RPA1: variants seen among roughly 807,000 people sequenced by gnomAD.
The protein encoded by RPA1 is replication protein A 70 kDa DNA-binding subunit.
A neutral mutation model predicts 83.0 loss-of-function variants in RPA1; 49 were observed. The ratio of observed to expected loss-of-function variants is 0.59; its 90% confidence interval spans 0.47 to 0.75. RPA1 has a LOEUF of 0.75. RPA1 is among the 30% of genes least tolerant of loss of function. RPA1 has a pLI of 0.00. For synonymous variants in RPA1, 279 were observed against 281.8 expected (o/e 0.99, Z 0.10); for missense variants, 693 against 776.1 (o/e 0.89, Z 1.27).
At position 1,880,573 on chromosome 17, in the gene RPA1, G is replaced by T. The variant is rs771754941; in HGVS notation, c.1123G>T (p.Val375Leu). ...ADKFDGSRQP[V>L]LAIKGARVSD... ...TAAATTTGATGGTTCTAGACAGCCCGTGTTGGCTATCAAAGGAGCCCGAGT... is the reference window on the plus strand; with the variant it reads ...TAAATTTGATGGTTCTAGACAGCCCTTGTTGGCTATCAAAGGAGCCCGAGT... Residue 375 changes from valine to leucine, a missense_variant, in exon 12 of 17, where the codon GTG becomes TTG. Val to Leu is a conservative substitution (Grantham distance 32, BLOSUM62 1). Coordinates refer to ENST00000254719, the MANE Select transcript of RPA1 (RefSeq NM_002945.5). The T allele has an allele frequency of 4.3e-6, 7 of 1,614,016 alleles. No homozygotes were observed. Among genetic ancestry groups the T allele is most frequent in the Non-Finnish European group, 5.9e-6 (7 of 1,179,992 alleles).
At chr17:1,892,582 A>G (rs1914244467) in intron 15 of RPA1, among the ~76,000 whole-genome samples, 1 of 152,170 alleles carries the variant, frequency 6.6e-6, no homozygotes, top group South Asian at 2.1e-4. Context: ...CCCTGAAACA[A>G]CCTGAATTAT....
At chr17:1,869,845 G>A (rs777338800) in intron 5 of RPA1, among the ~76,000 whole-genome samples, 1 of 152,116 alleles carries the variant, frequency 6.6e-6, no homozygotes, top group Admixed American at 6.6e-5. Flanking sequence ...GATTCTTGCC[G>A]TCCATTTGGC....
rs570102441 is a variant in RPA1 at position 1,869,691 on chromosome 17, G to C, written c.362-2743G>C. ...ACACAAAGCAGAAGATGTGTCAGAA[G>C]TTAAGTCTCTGCATTACTGCTTTGG... On this transcript the variant is annotated intron_variant, in intron 5 of 16. Transcript: ENST00000254719. Among the ~76,000 whole-genome samples, 4 of 152,330 alleles carry C rather than the reference G, an allele frequency of 2.6e-5. No individual in the cohort carries two copies. In the South Asian group the frequency reaches 6.2e-4, roughly 24 times the overall value.
At chr17:1,839,613 A>G (rs994675618) in intron 1 of RPA1, among the ~76,000 whole-genome samples, 1 of 148,482 alleles carries the variant, frequency 6.7e-6, no homozygotes, top group Non-Finnish European at 1.5e-5. Flanking sequence ...GGCGTGAGCC[A>G]CCGTGCCTGG....
intron 5 of RPA1, chr17:1,858,423 G>C (rs1226978770): frequency 6.4e-7 from 1 of 1,553,004 alleles, no homozygotes. Context: ...GACGACCAAC[G>C]TGTCTCAGCA....
chr17:1,857,262 TTTTTC>T (rs1226318255), intron 5 of RPA1, among the ~76,000 whole-genome samples: 15 of 117,694 alleles, frequency 1.3e-4, no homozygotes, highest in African/African-American at 3.9e-4. Flanking sequence ...TTTCTTTTTC[TTTTTC>T]TTTTTTTTTT....
At position 1,884,334 on chromosome 17, in the gene RPA1, C is replaced by T. The variant is rs565204545; in HGVS notation, c.1374+390C>T. Among the ~76,000 whole-genome samples the T allele has an allele frequency of 3.2e-4, 35 of 110,534 alleles. No homozygotes were observed. In the South Asian group the frequency reaches 9.0e-3, roughly 28 times the overall value. The allele number at this position is 110,534 out of a possible 152,430, so 72.5% of individuals were successfully genotyped here. A position where few individuals can be genotyped will look rare whatever the true frequency, so the allele number is the denominator to read the frequency against. On this transcript the variant is annotated intron_variant, in intron 13 of 16. Transcript: ENST00000254719. The surrounding 1 kb of genome is among the most constrained non-coding windows in gnomAD (Gnocchi z 4.1). ...ATGTTTTTTGAGATGAGCGTTAGTC[C>T]GCCTCAGGTCAGACATGAGGCAGTT...
chr17:1,869,335 G>T (rs1277588841), intron 5 of RPA1, among the ~76,000 whole-genome samples: 1 of 152,158 alleles, frequency 6.6e-6, no homozygotes. Context: ...TCAGGAGTTT[G>T]AGACCAGCCT....
chr17:1,861,336 C>G (rs187751421), intron 5 of RPA1, among the ~76,000 whole-genome samples: 4 of 152,202 alleles, frequency 2.6e-5, no homozygotes, highest in African/African-American at 9.7e-5. Flanking sequence ...CAGACCCACT[C>G]GCTCGCTTTC....
chr17:1,894,276 T>C (rs560656885), intron 15 of RPA1, among the ~76,000 whole-genome samples: 1 of 152,082 alleles, frequency 6.6e-6, no homozygotes, highest in African/African-American at 2.4e-5. Context: ...AAGCAATTCT[T>C]CTGCCTCAGC....
intron 13 of RPA1, among the ~76,000 whole-genome samples, chr17:1,886,044 G>A (rs1340935915): frequency 3.3e-5 from 5 of 152,114 alleles, no homozygotes; most frequent in South Asian, 2.1e-4. Flanking sequence ...GTGAACAGGT[G>A]CATTGTCAAT....
chr17:1,897,363 TGTG>T lies in RPA1; in HGVS notation c.*192_*194del. 1.8e-6 allele frequency: 1 copy of T among 571,020 alleles called. No homozygotes were observed. The highest frequency in any genetic ancestry group is 2.1e-5 in the South Asian group (1 of 48,408). 35.4% of individuals were successfully genotyped at this position (571,020 alleles called of 1,614,324 possible). A position where few individuals can be genotyped will look rare whatever the true frequency, so the allele number is the denominator to read the frequency against. ...GCAAAGGAAAATACGCTCAGGTGGTTGTGGTGTAGACTGTGTCAGGCCTACGGA... is the reference window on the plus strand; with the variant it reads ...GCAAAGGAAAATACGCTCAGGTGGTTGTGTAGACTGTGTCAGGCCTACGGA... On this transcript the variant is annotated 3_prime_UTR_variant, in exon 17 of 17. Transcript: ENST00000254719.
chr17:1,832,683 G>A (rs772716476), intron 1 of RPA1, among the ~76,000 whole-genome samples: 1 of 152,122 alleles, frequency 6.6e-6, no homozygotes, highest in Non-Finnish European at 1.5e-5. Flanking sequence ...CACCGCGCAC[G>A]ACCCCATTCA....
chr17:1,835,736 AATGC>A (rs1169469597), intron 1 of RPA1, among the ~76,000 whole-genome samples: 1 of 152,120 alleles, frequency 6.6e-6, no homozygotes, highest in Non-Finnish European at 1.5e-5. Context: ...AAATTTTTGA[AATGC>A]ATGCATAGTT....
chr17:1,889,979 G>T (rs1193295878), intron 14 of RPA1, among the ~76,000 whole-genome samples: 1 of 151,994 alleles, frequency 6.6e-6, no homozygotes. Flanking sequence ...CAGCCCGGGC[G>T]ACAAGAGCAA....
At chr17:1,851,869 A>G (rs994763488) in intron 4 of RPA1, among the ~76,000 whole-genome samples, 10 of 152,350 alleles carry the variant, frequency 6.6e-5, no homozygotes, top group African/African-American at 2.4e-4. Flanking sequence ...ACACTGATTG[A>G]TTGTATGTAA....
chr17:1,883,982 A>G (rs747032278), intron 13 of RPA1, 38 bp downstream of exon 13: 2 of 1,611,874 alleles, frequency 1.2e-6, no homozygotes. Flanking sequence ...AAAGGGCTGT[A>G]AAGTGTGCAG....
chr17:1,831,743 T>A (rs562431051), intron 1 of RPA1, among the ~76,000 whole-genome samples: 1 of 146,672 alleles, frequency 6.8e-6, no homozygotes, highest in Non-Finnish European at 1.5e-5. Context: ...GGACTACAGG[T>A]ACCCGCCACC....
intron 12 of RPA1, among the ~76,000 whole-genome samples, chr17:1,881,351 G>A (rs1027280395): frequency 1.3e-5 from 2 of 152,142 alleles, no homozygotes; most frequent in African/African-American, 4.8e-5. Context: ...CTATGGGGGG[G>A]AAGTGTGTCA....
Sources: gnomAD v4.1 joint callset for allele counts (sites outside exome capture counted in the v4.1 genomes callset) on GRCh38, gnomAD v4.1.1 for gene constraint, Gnocchi (gnomAD v3.1) non-coding constraint, MANE v1.5 for transcripts, NCBI Gene and HGNC (gene_info 2026-07-23, HGNC 2026-07-21) for gene names.